Variants in EEF1AKMT3 observed in about 807,000 individuals in gnomAD.
EEF1AKMT3 encodes EEF1A lysine methyltransferase 3, also known as eEF1A-KMT3.
EEF1AKMT3 carries 17 observed loss-of-function variants against 17.8 expected under a neutral mutation model. That is an observed-to-expected ratio of 0.96 (90% CI 0.65 to 1.43). EEF1AKMT3 has a LOEUF of 1.43. Among genes scored for constraint, EEF1AKMT3 ranks in the 40% most tolerant of loss-of-function variants. The probability of loss-of-function intolerance (pLI) is 0.00; values close to 1 mark genes in which losing one functional copy is unlikely to be tolerated. For synonymous variants in EEF1AKMT3, 116 were observed against 126.5 expected (o/e 0.92, Z 0.56); for missense variants, 244 against 285.8 (o/e 0.85, Z 1.06).
intron 2 of EEF1AKMT3, among the ~76,000 whole-genome samples, chr12:57,778,403 C>A (rs1053830023): frequency 2.7e-5 from 4 of 149,514 alleles, no homozygotes; most frequent in African/African-American, 9.8e-5. Flanking sequence ...GAGGCTCAAG[C>A]AATCCTCTGA....
chr12:57,779,268 G>C (rs1257860302), intron 2 of EEF1AKMT3, among the ~76,000 whole-genome samples: 1 of 151,962 alleles, frequency 6.6e-6, no homozygotes, highest in African/African-American at 2.4e-5. Context: ...TTCCCTGCTT[G>C]GGGCTTCACC....
At chr12:57,773,253 AT>A (rs955453763) in intron 2 of EEF1AKMT3, 125 bp downstream of exon 2, 240 of 864,342 alleles carry the variant, frequency 2.8e-4, no homozygotes, top group South Asian at 1.2e-3. Context: ...TTTTTAACAA[AT>A]TTTTTTTTAA....
In EEF1AKMT3 at chr12:57,772,978, T is replaced by A; in HGVS notation, c.178-39T>A. The A allele has an allele frequency of 6.2e-7, 1 of 1,613,950 alleles. No homozygotes were observed. Among genetic ancestry groups the A allele is most frequent in the East Asian group, 2.2e-5 (1 of 44,886 alleles). ...ACTCCGCCTCTCCCATATGGAGCCA[T>A]CCTCACGACTGTCTTTTTCTCTGTC... On this transcript the variant is annotated intron_variant, in intron 1 of 2. Transcript: ENST00000300209. The surrounding 1 kb of genome is among the most constrained non-coding windows in gnomAD (Gnocchi z 4.1).
chr12:57,777,768 C>T lies in EEF1AKMT3; in HGVS notation c.290-2487C>T, dbSNP rs144450815. On this transcript the variant is annotated intron_variant, in intron 2 of 2. Transcript: ENST00000300209. Reference sequence around the variant, plus strand: ...GACGCGGTGGCTTACGCCTGTAATCCGAGCACTTTGGGAGGCTAAGGTGGG... The same window carrying T: ...GACGCGGTGGCTTACGCCTGTAATCTGAGCACTTTGGGAGGCTAAGGTGGG... 3.5e-3 allele frequency among the ~76,000 whole-genome samples: 536 copies of T among 152,230 alleles called. 2 individuals carry two copies. Among genetic ancestry groups the T allele is most frequent in the African/African-American group, 0.012 (504 of 41,526 alleles).
At chr12:57,775,495 C>A (rs1209533229) in intron 2 of EEF1AKMT3, among the ~76,000 whole-genome samples, 1 of 152,036 alleles carries the variant, frequency 6.6e-6, no homozygotes. Context: ...GATTCTCCTG[C>A]CTCAGCCTCC....
Position 57,780,691 on chromosome 12 carries a change from A to G in EEF1AKMT3, c.*45A>G. 6.3e-7 allele frequency: 1 copy of G among 1,592,698 alleles called. No individual in the cohort carries two copies. The highest frequency in any genetic ancestry group is 8.5e-7 in the Non-Finnish European group (1 of 1,177,496). ...CTCAATCTCTTGCTCTAATGAAGGA[A>G]CTGTGTATCTCAAAAACCATATTTC... On this transcript the variant is annotated 3_prime_UTR_variant, in exon 3 of 3. Transcript: ENST00000300209.
intron 2 of EEF1AKMT3, chr12:57,774,880 C>A (rs1222802446): frequency 3.2e-6 from 3 of 926,440 alleles, no homozygotes; most frequent in South Asian, 1.7e-5. Context: ...CCGAGGCAGG[C>A]GGATTACCTG....
chr12:57,780,814 G>A lies in EEF1AKMT3; in HGVS notation c.*168G>A, dbSNP rs1264217239. 7.1e-6 allele frequency: 6 copies of A among 844,204 alleles called. No individual in the cohort carries two copies. In the Admixed American group the frequency reaches 1.2e-4, roughly 16 times the overall value. The allele number at this position is 844,204 out of a possible 1,614,324, so 52.3% of individuals were successfully genotyped here. On this transcript the variant is annotated 3_prime_UTR_variant, in exon 3 of 3. Transcript: ENST00000300209. ...TTACCCCAGATACTCTTGGGCAGGT[G>A]CAGTGAGGTGCCTGCTTACAAGGAA...
intron 2 of EEF1AKMT3, among the ~76,000 whole-genome samples, chr12:57,778,421 C>T (rs1955493703): frequency 6.6e-6 from 1 of 150,706 alleles, no homozygotes; most frequent in South Asian, 2.1e-4. Flanking sequence ...TGACCTCAGC[C>T]TCCCGAGTAG....
rs1456050140 is a variant in EEF1AKMT3, at chr12:57,780,451, G to T, written c.486G>T (p.Leu162=). 6.2e-7 allele frequency: 1 copy of T among 1,614,210 alleles called. No homozygotes were observed. Among genetic ancestry groups the T allele is most frequent in the South Asian group, 1.1e-5 (1 of 91,078 alleles). Residue 162 remains leucine, a synonymous_variant, in exon 3 of 3, where the codon CTG becomes CTT. Transcript: ENST00000300209. ...ACCTGGAACCCACCTTCCCTCTGCT[G>T]CTGGGGACCCTCCAACACCTGTGCA... ...IVYLEPTFPL[L]LGTLQHLCRP... is the part of the protein sequence containing the mutation.
intron 2 of EEF1AKMT3, among the ~76,000 whole-genome samples, chr12:57,776,609 C>T (rs932196735): frequency 3.9e-5 from 6 of 152,082 alleles, no homozygotes; most frequent in African/African-American, 1.4e-4. Flanking sequence ...GCCATCTTCA[C>T]CCTCACCTGA....
intron 2 of EEF1AKMT3, among the ~76,000 whole-genome samples, chr12:57,773,627 T>C (rs888595553): frequency 6.6e-6 from 1 of 152,132 alleles, no homozygotes; most frequent in Non-Finnish European, 1.5e-5. Flanking sequence ...CGTTTCACCA[T>C]GTTGGCCAGG....
Position 57,782,525 on chromosome 12 carries a change from A to G in EEF1AKMT3, c.*1879A>G, listed in dbSNP as rs1411164256. On this transcript the variant is annotated 3_prime_UTR_variant, in exon 3 of 3. Transcript: ENST00000300209. Reference sequence around the variant, plus strand: ...ATATAAATGCGCATTGAAAATAAACATAAAATGTTACCCACATTTCTTGTG... The same window carrying G: ...ATATAAATGCGCATTGAAAATAAACGTAAAATGTTACCCACATTTCTTGTG... 1 of 473,880 alleles carries G rather than the reference A, an allele frequency of 2.1e-6. No individual in the cohort carries two copies. Among genetic ancestry groups the G allele is most frequent in the African/African-American group, 2.0e-5 (1 of 50,858 alleles). The allele number at this position is 473,880 out of a possible 1,614,324, so 29.4% of individuals were successfully genotyped here.
intron 2 of EEF1AKMT3, among the ~76,000 whole-genome samples, chr12:57,773,393 G>A (rs139580355): frequency 6.6e-6 from 1 of 151,368 alleles, no homozygotes; most frequent in Non-Finnish European, 1.5e-5. Context: ...ATAAGAAGGA[G>A]TTGTTTCTAT....
rs1169680036 is a variant in EEF1AKMT3 at position 57,780,955 on chromosome 12, G to A, written c.*309G>A. 1 of 425,316 alleles carries A rather than the reference G, an allele frequency of 2.4e-6. No homozygotes were observed. The highest frequency in any genetic ancestry group is 5.1e-5 in the East Asian group (1 of 19,746). 26.3% of individuals were successfully genotyped at this position (425,316 alleles called of 1,614,324 possible). Reference sequence around the variant, plus strand: ...TTTTAGGGGGTAAGGGAGATATATGGGATGTGAGAGCAGTGATTGTAGACA... The same window carrying A: ...TTTTAGGGGGTAAGGGAGATATATGAGATGTGAGAGCAGTGATTGTAGACA... On this transcript the variant is annotated 3_prime_UTR_variant, in exon 3 of 3. Coordinates refer to ENST00000300209, the MANE Select transcript of EEF1AKMT3 (RefSeq NM_015433.3).
In EEF1AKMT3 at chr12:57,780,235, T is replaced by C. The variant is rs1565817940; in HGVS notation, c.290-20T>C. 6.2e-7 allele frequency: 1 copy of C among 1,606,960 alleles called. No individual in the cohort carries two copies. The highest frequency in any genetic ancestry group is 8.5e-7 in the Non-Finnish European group (1 of 1,178,382). ...GGTTGGTTCCTCTGACTTGCATTTT[T>C]CCTCCTTCCTCTCTCTCAGGGGGGG... is the stretch of plus-strand genomic sequence containing the variant. On this transcript the variant is annotated intron_variant, in intron 2 of 2. Transcript: ENST00000300209.
intron 2 of EEF1AKMT3, among the ~76,000 whole-genome samples, chr12:57,775,376 CTTTTT>C (rs199924829): frequency 7.3e-6 from 1 of 136,554 alleles, no homozygotes. Flanking sequence ...GTTAAATGTT[CTTTTT>C]TTTTTTTTTT....
Position 57,772,737 on chromosome 12 carries a change from G to C in EEF1AKMT3, c.13G>C (p.Gly5Arg). 6.2e-7 allele frequency: 1 copy of C among 1,613,142 alleles called. No homozygotes were observed. Among genetic ancestry groups the C allele is most frequent in the South Asian group, 1.1e-5 (1 of 91,012 alleles). Residue 5 changes from glycine to arginine, a missense_variant, in exon 1 of 3, where the codon GGC becomes CGC. Gly to Arg is a moderately radical substitution (Grantham distance 125, BLOSUM62 -2). Transcript: ENST00000300209. This position sits in a 1 kb window ranked among gnomAD's most constrained non-coding sequence, Gnocchi z 4.1. MADP[G>R]PDPESESESV... ...CTTGGCGGGCCGGATGGCGGACCCC[G>C]GCCCAGATCCCGAATCTGAGTCGGA...
rs1412316822 is a variant in EEF1AKMT3 at position 57,780,716 on chromosome 12, C to G, written c.*70C>G. 5 of 1,568,328 alleles carry G rather than the reference C, an allele frequency of 3.2e-6. No individual in the cohort carries two copies. Among genetic ancestry groups the G allele is most frequent in the Non-Finnish European group, 4.3e-6 (5 of 1,164,712 alleles). On this transcript the variant is annotated 3_prime_UTR_variant, in exon 3 of 3. Transcript: ENST00000300209. Reference sequence around the variant, plus strand: ...ACTGTGTATCTCAAAAACCATATTTCCAGAGCCACAAACATGAGGACCAAA... The same window carrying G: ...ACTGTGTATCTCAAAAACCATATTTGCAGAGCCACAAACATGAGGACCAAA...
Sources: allele counts gnomAD v4.1 joint callset (sites outside exome capture counted in the v4.1 genomes callset), GRCh38; gene constraint gnomAD v4.1.1; non-coding constraint Gnocchi (gnomAD v3.1); transcripts MANE v1.5; gene names NCBI Gene and HGNC (gene_info 2026-07-23, HGNC 2026-07-21).